Variants in CIB4 observed in about 807,000 individuals in gnomAD.
CIB4 encodes calcium and integrin-binding family member 4.
Under a neutral mutation model 25.8 loss-of-function variants are expected in CIB4, and 25 were observed. The ratio of observed to expected loss-of-function variants is 0.97; its 90% confidence interval spans 0.71 to 1.35. The LOEUF (loss-of-function observed/expected upper bound fraction) is 1.35, where lower values mean the gene tolerates loss of function less well. CIB4 is among the 40% of genes most tolerant of loss of function. The pLI is 0.00. For missense variants in CIB4, 235 were observed against 228.2 expected (o/e 1.03, Z -0.19); for synonymous variants, 75 against 81.4 (o/e 0.92, Z 0.42).
chr2:26,595,037 A>C, intron 4 of CIB4, 139 bp downstream of exon 4: 1 of 776,736 alleles, frequency 1.3e-6, no homozygotes, highest in Non-Finnish European at 2.1e-6. Flanking sequence ...TGGTACATGC[A>C]AAATATGACA....
At chr2:26,587,045 G>A (rs568846124) in intron 4 of CIB4, among the ~76,000 whole-genome samples, 4 of 152,188 alleles carry the variant, frequency 2.6e-5, no homozygotes, top group African/African-American at 7.2e-5. Flanking sequence ...TTACATTCAC[G>A]CCTGTAATCC....
intron 3 of CIB4, among the ~76,000 whole-genome samples, chr2:26,602,263 G>A (rs1250176700): frequency 6.6e-6 from 1 of 152,178 alleles, no homozygotes; most frequent in Non-Finnish European, 1.5e-5. Flanking sequence ...AACTTTGAAA[G>A]GTGGTGTTTG....
chr2:26,601,063 A>T (rs1198049517), intron 3 of CIB4, among the ~76,000 whole-genome samples: 1 of 151,702 alleles, frequency 6.6e-6, no homozygotes, highest in Non-Finnish European at 1.5e-5. Flanking sequence ...CTACAAAAAA[A>T]ATTAAAAATT....
At position 26,594,670 on chromosome 2, in the gene CIB4, G is replaced by C. The variant is rs185356215; in HGVS notation, c.328+506C>G. Among the ~76,000 whole-genome samples, 679 of 152,294 alleles carry C rather than the reference G, an allele frequency of 4.5e-3. 1 individual carries two copies. Among genetic ancestry groups the C allele is most frequent in the Middle Eastern group, 0.017 (5 of 294 alleles). On this transcript the variant is annotated intron_variant, in intron 4 of 6. Transcript: ENST00000288861. ...GCAGACATTTGCCTGGTGAAGAGCA[G>C]AACTTCAGCAGAGTCTTGTGACTAC...
rs188757485 is a variant in CIB4 at position 26,633,951 on chromosome 2, T to C, written c.90-4445A>G. Among the ~76,000 whole-genome samples the C allele has an allele frequency of 8.5e-5, 13 of 152,304 alleles. No individual in the cohort carries two copies. In the East Asian group the frequency reaches 2.1e-3, roughly 25 times the overall value. ...AGCATCCCCCCAGCTCCCTCCAGTT[T>C]AGGTATCCTATGACTCTAGTCTTTC... On this transcript the variant is annotated intron_variant, in intron 2 of 6. Transcript: ENST00000288861.
chr2:26,627,569 G>A lies in CIB4; in HGVS notation c.186+1841C>T, dbSNP rs931867028. Among the ~76,000 whole-genome samples the A allele has an allele frequency of 6.6e-6, 1 of 152,212 alleles. No homozygotes were observed. Among genetic ancestry groups the A allele is most frequent in the African/African-American group, 2.4e-5 (1 of 41,456 alleles). ...GGTTTGAGAGAAGTCCCACCCACATGTGGTGGAGCCCATGCACGTGTACAC... is the reference window on the plus strand; with the variant it reads ...GGTTTGAGAGAAGTCCCACCCACATATGGTGGAGCCCATGCACGTGTACAC... On this transcript the variant is annotated intron_variant, in intron 3 of 6. Coordinates refer to ENST00000288861, the MANE Select transcript of CIB4 (RefSeq NM_001029881.3). The surrounding 1 kb of genome is among the most constrained non-coding windows in gnomAD (Gnocchi z 4.0).
At chr2:26,640,456 T>A (rs1305361683) in intron 2 of CIB4, 77 bp downstream of exon 2, 2 of 1,470,686 alleles carry the variant, frequency 1.4e-6, no homozygotes, top group Non-Finnish European at 1.9e-6. Context: ...GGGACCAGCG[T>A]GAGGCTGTAT....
chr2:26,630,454 A>G (rs1161036304), intron 2 of CIB4, among the ~76,000 whole-genome samples: 3 of 152,156 alleles, frequency 2.0e-5, no homozygotes, highest in Admixed American at 2.0e-4. Context: ...TAGTTTCATC[A>G]TCTGGATAAG....
At chr2:26,588,329 C>G (rs1240207059) in intron 4 of CIB4, among the ~76,000 whole-genome samples, 1 of 152,250 alleles carries the variant, frequency 6.6e-6, no homozygotes, top group East Asian at 1.9e-4. Flanking sequence ...CTGGACAGTT[C>G]CCCTCCTTTG....
At chr2:26,586,263 C>T (rs936499893) in intron 4 of CIB4, among the ~76,000 whole-genome samples, 3 of 152,222 alleles carry the variant, frequency 2.0e-5, no homozygotes, top group Non-Finnish European at 4.4e-5. Flanking sequence ...CCCGCCCTCA[C>T]TCTGCCTCCT....
chr2:26,588,389 C>T (rs1011288918), intron 4 of CIB4, among the ~76,000 whole-genome samples: 3 of 152,208 alleles, frequency 2.0e-5, no homozygotes, highest in African/African-American at 7.2e-5. Context: ...CTGAGAGCTC[C>T]GGGAGGCTGA....
intron 3 of CIB4, among the ~76,000 whole-genome samples, chr2:26,602,228 G>A (rs745977717): frequency 6.6e-6 from 1 of 152,220 alleles, no homozygotes; most frequent in Non-Finnish European, 1.5e-5. Context: ...CCTGAAAGGA[G>A]TGGAAGAAGA....
chr2:26,590,284 A>AAAAC (rs1553373370), intron 4 of CIB4, among the ~76,000 whole-genome samples: 50 of 150,084 alleles, frequency 3.3e-4, no homozygotes, highest in African/African-American at 1.0e-3. Flanking sequence ...AAAAAAAAAA[A>AAAAC]CTCACAGGTG....
chr2:26,641,327 T>C lies in CIB4; in HGVS notation c.-13A>G, dbSNP rs1475806914. On this transcript the variant is annotated 5_prime_UTR_variant, in exon 1 of 7. Transcript: ENST00000288861. ...AGCATTGCCCCATGCCAACCACACCTTTCTGTCTGCCAGCAGTAGAACCTC... is the reference window on the plus strand; with the variant it reads ...AGCATTGCCCCATGCCAACCACACCCTTCTGTCTGCCAGCAGTAGAACCTC... 2.5e-6 allele frequency: 4 copies of C among 1,612,190 alleles called. No individual in the cohort carries two copies. The highest frequency in any genetic ancestry group is 2.5e-6 in the Non-Finnish European group (3 of 1,178,526).
intron 2 of CIB4, among the ~76,000 whole-genome samples, chr2:26,631,453 G>A (rs974778667): frequency 6.6e-6 from 1 of 152,148 alleles, no homozygotes; most frequent in African/African-American, 2.4e-5. Context: ...CAGCCTGGGC[G>A]ACAGAGCAAG....
intron 2 of CIB4, among the ~76,000 whole-genome samples, chr2:26,636,920 T>G (rs912243956): frequency 8.5e-5 from 13 of 152,216 alleles, no homozygotes; most frequent in Admixed American, 4.6e-4. Context: ...TCTGCCAGTC[T>G]GAAATGTCAT....
intron 3 of CIB4, among the ~76,000 whole-genome samples, chr2:26,611,407 G>A (rs540692180): frequency 6.6e-6 from 1 of 152,204 alleles, no homozygotes; most frequent in Non-Finnish European, 1.5e-5. Context: ...AACTTAGAGG[G>A]AGGTCTCTAG....
At chr2:26,607,846 T>C (rs1668921550) in intron 3 of CIB4, among the ~76,000 whole-genome samples, 1 of 152,242 alleles carries the variant, frequency 6.6e-6, no homozygotes, top group Admixed American at 6.5e-5. Flanking sequence ...GAAATGTGTG[T>C]TCTGGCTCTT....
intron 3 of CIB4, among the ~76,000 whole-genome samples, chr2:26,622,991 T>A (rs568396678): frequency 2.0e-5 from 3 of 151,504 alleles, no homozygotes; most frequent in South Asian, 2.1e-4. Context: ...TCAAAAAAAA[T>A]AAATAAGAAT....
Sources: gnomAD v4.1 joint callset for allele counts (sites outside exome capture counted in the v4.1 genomes callset) on GRCh38, gnomAD v4.1.1 for gene constraint, Gnocchi (gnomAD v3.1) non-coding constraint, MANE v1.5 for transcripts, NCBI Gene and HGNC (gene_info 2026-07-23, HGNC 2026-07-21) for gene names.